IGF1: variants seen among roughly 807,000 people sequenced by gnomAD.
IGF1 encodes the protein insulin like growth factor 1, also known as insulin-like growth factor 1.
A neutral mutation model predicts 13.8 loss-of-function variants in IGF1; 4 were observed. The ratio of observed to expected loss-of-function variants is 0.29; its 90% CI spans 0.14 to 0.66. The LOEUF (loss-of-function observed/expected upper bound fraction) is 0.66, where lower values mean the gene tolerates loss of function less well. Among genes scored for constraint, IGF1 ranks in the 30% least tolerant of loss-of-function variants. The pLI is 0.78. For missense variants in IGF1, 124 were observed against 188.5 expected, an observed-to-expected ratio of 0.66 and a Z score of 2.00; for synonymous variants, 76 against 72.6, an observed-to-expected ratio of 1.05 and a Z score of -0.23.
chr12:102,453,985 C>G (rs1879171115), intron 2 of IGF1, among the ~76,000 whole-genome samples: 1 of 152,182 alleles, frequency 6.6e-6, no homozygotes, highest in African/African-American at 2.4e-5. Context: ...CATATAAGAG[C>G]TTGGAAAGTG....
At chr12:102,404,987 G>A (rs1199030250) in intron 3 of IGF1, among the ~76,000 whole-genome samples, 1 of 152,048 alleles carries the variant, frequency 6.6e-6, no homozygotes, top group Non-Finnish European at 1.5e-5. Flanking sequence ...TCGAACTTCT[G>A]ACCTTGTGAT....
In IGF1 at chr12:102,419,556, G is replaced by A. The variant is rs1430553116; in HGVS notation, c.355C>T (p.Arg119Cys). 6.2e-7 allele frequency: 1 copy of A among 1,613,898 alleles called. No homozygotes were observed. Among genetic ancestry groups the A allele is most frequent in the Non-Finnish European group, 8.5e-7 (1 of 1,180,002 alleles). Residue 119 changes from arginine to cysteine, a missense_variant, in exon 3 of 4, where the codon CGC (arginine) becomes TGC (cysteine). Around this residue, in one of 2 missense-constraint regions of IGF1, gnomAD observed 99 missense variants for 171.4 expected, o/e 0.58. Coordinates refer to ENST00000337514, the MANE Select transcript of IGF1 (RefSeq NM_000618.5). ...CAPLKPAKSA[R>C]SVRAQRHTDM... ...GTGTGGCGCTGGGCACGGACAGAGC[G>A]AGCTGACTTGGCAGGCTTGAGGGGT...
At chr12:102,441,102 A>G (rs1175995078) in intron 2 of IGF1, among the ~76,000 whole-genome samples, 1 of 152,154 alleles carries the variant, frequency 6.6e-6, no homozygotes, top group Non-Finnish European at 1.5e-5. Context: ...TGCACTTTGG[A>G]CAGGCACCCT....
chr12:102,433,091 T>C (rs1876884687), intron 2 of IGF1, among the ~76,000 whole-genome samples: 1 of 152,156 alleles, frequency 6.6e-6, no homozygotes, highest in African/African-American at 2.4e-5. Context: ...CTGGAGAACC[T>C]GGCTCCTCCC....
At chr12:102,468,233 G>A (rs1880459155) in intron 2 of IGF1, among the ~76,000 whole-genome samples, 1 of 152,152 alleles carries the variant, frequency 6.6e-6, no homozygotes, top group African/African-American at 2.4e-5. Context: ...GAGGCTGTTT[G>A]GTCTCTGCTG....
chr12:102,436,055 G>C (rs555193894), intron 2 of IGF1, among the ~76,000 whole-genome samples: 16 of 152,310 alleles, frequency 1.1e-4, no homozygotes, highest in Admixed American at 9.8e-4. Context: ...TATCTCTTGT[G>C]ATAATTGCCT....
At chr12:102,441,912 TCTC>T (rs1269701477) in intron 2 of IGF1, among the ~76,000 whole-genome samples, 3 of 20,096 alleles carry the variant, frequency 1.5e-4, no homozygotes, top group Admixed American at 6.2e-4. Flanking sequence ...CACTGCTTCT[TCTC>T]CTTCTTCTTC....
At chr12:102,439,691 A>C (rs1288210645) in intron 2 of IGF1, among the ~76,000 whole-genome samples, 1 of 149,450 alleles carries the variant, frequency 6.7e-6, no homozygotes, top group Non-Finnish European at 1.5e-5. Context: ...CATTTGGAGA[A>C]CCTGGAAAAG....
chr12:102,427,176 C>T (rs745838381), intron 2 of IGF1, among the ~76,000 whole-genome samples: 4 of 152,138 alleles, frequency 2.6e-5, no homozygotes, highest in Non-Finnish European at 5.9e-5. Flanking sequence ...GTTGAGGAAT[C>T]GCATACGTGG....
intron 3 of IGF1, among the ~76,000 whole-genome samples, chr12:102,406,582 A>C (rs935064706): frequency 6.6e-6 from 1 of 152,180 alleles, no homozygotes; most frequent in Non-Finnish European, 1.5e-5. Context: ...TTGGTTAAAG[A>C]AGTTTACCCT....
At position 102,460,465 on chromosome 12, in the gene IGF1, C is replaced by T. The variant is rs79711124; in HGVS notation, c.220+15178G>A. Among the ~76,000 whole-genome samples, 1,320 of 152,310 alleles carry T rather than the reference C, an allele frequency of 8.7e-3. 11 individuals carry two copies. Among genetic ancestry groups the T allele is most frequent in the Non-Finnish European group, 0.014 (949 of 68,028 alleles). Reference sequence around the variant, plus strand: ...CATGGGTCCCCCCACAAAGAAACCTCTTTGAAGGGATGGCATCATTCTCCC... The same window carrying T: ...CATGGGTCCCCCCACAAAGAAACCTTTTTGAAGGGATGGCATCATTCTCCC... On this transcript the variant is annotated intron_variant, in intron 2 of 3. Transcript: ENST00000337514.
intron 3 of IGF1, among the ~76,000 whole-genome samples, chr12:102,409,382 A>C (rs1309794800): frequency 6.6e-6 from 1 of 152,096 alleles, no homozygotes; most frequent in African/African-American, 2.4e-5. Context: ...TATTTCCTTC[A>C]CTTCTATATC....
intron 2 of IGF1, among the ~76,000 whole-genome samples, chr12:102,427,871 C>G (rs765345259): frequency 8.5e-5 from 13 of 152,050 alleles, no homozygotes; most frequent in Non-Finnish European, 1.8e-4. Flanking sequence ...TTTGGTGTTA[C>G]ATGATATAAA....
chr12:102,424,773 G>A (rs947731432), intron 2 of IGF1, among the ~76,000 whole-genome samples: 2 of 152,030 alleles, frequency 1.3e-5, no homozygotes, highest in Non-Finnish European at 2.9e-5. Flanking sequence ...CTAATATAAG[G>A]AAAATTGTGA....
chr12:102,401,909 A>T lies in IGF1; in HGVS notation c.*598T>A, dbSNP rs1873711427. ...ATGCATCCAACTTATATTTGGTACA[A>T]ATGCCACAGATGGAATCTTGTGGGT... On this transcript the variant is annotated 3_prime_UTR_variant, in exon 4 of 4. Coordinates refer to ENST00000337514, the MANE Select transcript of IGF1 (RefSeq NM_000618.5). 1 of 152,618 alleles carries T rather than the reference A, an allele frequency of 6.6e-6. No individual in the cohort carries two copies. The highest frequency in any genetic ancestry group is 1.5e-5 in the Non-Finnish European group (1 of 68,040). The allele number at this position is 152,618 out of a possible 1,614,324, so 9.5% of individuals were successfully genotyped here.
chr12:102,479,574 C>T (rs1881281732), intron 1 of IGF1, among the ~76,000 whole-genome samples: 1 of 152,154 alleles, frequency 6.6e-6, no homozygotes, highest in Non-Finnish European at 1.5e-5. Flanking sequence ...ACACAGAACC[C>T]CAAGTCCAAA....
chr12:102,471,660 A>C (rs1880697101), intron 2 of IGF1, among the ~76,000 whole-genome samples: 1 of 152,208 alleles, frequency 6.6e-6, no homozygotes, highest in Non-Finnish European at 1.5e-5. Context: ...GAGCTGAAAG[A>C]ATATCCAACT....
chr12:102,419,257 A>G (rs1355326878), intron 3 of IGF1, among the ~76,000 whole-genome samples: 1 of 152,226 alleles, frequency 6.6e-6, no homozygotes, highest in African/African-American at 2.4e-5. Context: ...TTTGTCTGAC[A>G]CCAAAGCCCA....
intron 2 of IGF1, among the ~76,000 whole-genome samples, chr12:102,447,846 C>G (rs1878492465): frequency 6.6e-6 from 1 of 152,154 alleles, no homozygotes; most frequent in Non-Finnish European, 1.5e-5. Context: ...CAATACCATT[C>G]AGGACATAGG....
Sources: gnomAD v4.1 joint callset for allele counts (sites outside exome capture counted in the v4.1 genomes callset) on GRCh38, gnomAD v4.1.1 for gene constraint, gnomAD v4.1.1 regional missense constraint, MANE v1.5 for transcripts, NCBI Gene and HGNC (gene_info 2026-07-23, HGNC 2026-07-21) for gene names.